Variants in SLC36A2 observed in about 807,000 individuals in gnomAD.
The protein encoded by SLC36A2 is proton-coupled amino acid transporter 2.
A neutral mutation model predicts 42.7 loss-of-function variants in SLC36A2; 39 were observed. The ratio of observed to expected loss-of-function variants is 0.91; its 90% CI spans 0.71 to 1.19. The LOEUF (loss-of-function observed/expected upper bound fraction) is 1.19, where lower values mean the gene tolerates loss of function less well. Among genes scored for constraint, SLC36A2 ranks in the 50% most tolerant of loss-of-function variants. The pLI, the probability that SLC36A2 is intolerant of heterozygous loss-of-function variation, is 0.00. For synonymous variants in SLC36A2, 237 were observed against 240.8 expected (o/e 0.98, Z 0.15); for missense variants, 590 against 613.7 (o/e 0.96, Z 0.41).
intron 7 of SLC36A2, among the ~76,000 whole-genome samples, chr5:151,329,690 A>G (rs1168536616): frequency 2.0e-5 from 3 of 152,240 alleles, no homozygotes; most frequent in African/African-American, 7.2e-5. Context: ...AGCGGAATGT[A>G]GATAACAGAA....
At chr5:151,347,063 G>A (rs1756515809) in intron 1 of SLC36A2, among the ~76,000 whole-genome samples, 1 of 152,184 alleles carries the variant, frequency 6.6e-6, no homozygotes, top group African/African-American at 2.4e-5. Context: ...GGGTAATTGA[G>A]CCTCAGTTTC....
In SLC36A2 at chr5:151,342,888, C is replaced by T; in HGVS notation, c.440G>A (p.Arg147Lys). 1 of 1,613,926 alleles carries T rather than the reference C, an allele frequency of 6.2e-7. No homozygotes were observed. Residue 147 changes from arginine to lysine, a missense_variant and splice_region_variant, in exon 4 of 10, where the codon AGG (arginine) becomes AAG (lysine). Physicochemically the swap from Arg to Lys is conservative, Grantham distance 26 (BLOSUM62 2). Transcript: ENST00000335244. ...TGCAGGCAAAGCAAGAACAGGTTAC[C>T]TTCCCCAGTGAGCGTGATTCTGGAG... ...AWLQNHAHWG[R>K]HIVSFFLIIT...
chr5:151,316,931 C>T lies in SLC36A2; in HGVS notation c.1338G>A (p.Leu446=). Residue 446 remains leucine (L), a synonymous_variant, in exon 10 of 10, where the codon CTG becomes CTA. Transcript: ENST00000335244. The part of the protein sequence containing the change: ...MSPLTIFKDA[L]ISILGFVGFV... The stretch of plus-strand genomic sequence containing the variant: ...AGCCCACGAAGCCCAGGATGCTGAT[C>T]AGGGCGTCCTTGAAGATGGTGAGGG... The T allele has an allele frequency of 6.2e-7, 1 of 1,613,992 alleles. No individual in the cohort carries two copies. The highest frequency in any genetic ancestry group is 8.5e-7 in the Non-Finnish European group (1 of 1,179,978).
chr5:151,327,388 G>T (rs1322211941), intron 7 of SLC36A2, among the ~76,000 whole-genome samples: 1 of 152,156 alleles, frequency 6.6e-6, no homozygotes, highest in Non-Finnish European at 1.5e-5. Flanking sequence ...CTATAGCAAT[G>T]GGTATATTTG....
At chr5:151,339,563 G>A (rs1756261223) in intron 4 of SLC36A2, among the ~76,000 whole-genome samples, 1 of 152,162 alleles carries the variant, frequency 6.6e-6, no homozygotes, top group Admixed American at 6.5e-5. Context: ...GCCTGCCTTG[G>A]CCTCCCAAAG....
At chr5:151,327,300 A>G (rs2127289891) in intron 7 of SLC36A2, among the ~76,000 whole-genome samples, 1 of 152,330 alleles carries the variant, frequency 6.6e-6, no homozygotes, top group African/African-American at 2.4e-5. Context: ...ACTGATCCCA[A>G]GTTGCAGAAC....
intron 6 of SLC36A2, among the ~76,000 whole-genome samples, chr5:151,335,058 C>T (rs542058925): frequency 1.3e-5 from 2 of 152,024 alleles, no homozygotes; most frequent in African/African-American, 4.8e-5. Flanking sequence ...AGTTCACCAA[C>T]CAAGATGTTT....
In SLC36A2 at chr5:151,342,949, C is replaced by T; in HGVS notation, c.379G>A (p.Val127Met). 1 of 1,614,128 alleles carries T rather than the reference C, an allele frequency of 6.2e-7. No individual in the cohort carries two copies. Among genetic ancestry groups the T allele is most frequent in the Non-Finnish European group, 8.5e-7 (1 of 1,179,990 alleles). The change falls in exon 4 of 10, where the codon GTG becomes ATG. Residue 127 changes from valine (V) to methionine (M), a missense_variant. By Grantham distance (21) the Val-to-Met change is conservative. Transcript: ENST00000335244. ...NKPFMDYGDT[V>M]MHGLEANPNA... is the part of the protein sequence containing the mutation. Reference sequence around the variant, plus strand: ...GGGTTGGCTTCTAGTCCATGCATCACCGTGTCCCCATAGTCCATAAAGGGC... The same window carrying T: ...GGGTTGGCTTCTAGTCCATGCATCATCGTGTCCCCATAGTCCATAAAGGGC...
At chr5:151,322,754 A>C (rs422049) in intron 8 of SLC36A2, among the ~76,000 whole-genome samples, 77,268 of 152,064 alleles carry the variant, frequency 0.51, 20,940 homozygotes, top group East Asian at 0.85. Context: ...GGTTGTGTGG[A>C]AGTTAGGGGG....
At chr5:151,345,028 C>G (rs904653141) in intron 1 of SLC36A2, among the ~76,000 whole-genome samples, 1 of 152,144 alleles carries the variant, frequency 6.6e-6, no homozygotes, top group South Asian at 2.1e-4. Context: ...CTCCCCCAAA[C>G]AAAAACTCAG....
At chr5:151,324,651 G>A (rs1755799772) in intron 8 of SLC36A2, among the ~76,000 whole-genome samples, 1 of 152,030 alleles carries the variant, frequency 6.6e-6, no homozygotes. Context: ...GTTTTTAAGA[G>A]ATAGGGTCTC....
At chr5:151,343,868 C>T (rs567293143) in intron 2 of SLC36A2, among the ~76,000 whole-genome samples, 2 of 152,272 alleles carry the variant, frequency 1.3e-5, no homozygotes, top group East Asian at 3.9e-4. Context: ...CCCTTTGTGG[C>T]CCCTGAAACA....
At position 151,342,918 on chromosome 5, in the gene SLC36A2, G is replaced by C; in HGVS notation, c.410C>G (p.Ala137Gly). Residue 137 changes from alanine (A) to glycine (G), a missense_variant, in exon 4 of 10, where the codon GCC becomes GGC. Transcript: ENST00000335244. Reference protein sequence around the residue: ...VMHGLEANPNAWLQNHAHWGR... With the variant: ...VMHGLEANPNGWLQNHAHWGR... The stretch of plus-strand genomic sequence containing the variant: ...CCAGTGAGCGTGATTCTGGAGCCAG[G>C]CGTTGGGGTTGGCTTCTAGTCCATG... 1 of 1,614,134 alleles carries C rather than the reference G, an allele frequency of 6.2e-7. No individual in the cohort carries two copies. Among genetic ancestry groups the C allele is most frequent in the Non-Finnish European group, 8.5e-7 (1 of 1,180,008 alleles).
chr5:151,333,231 A>G lies in SLC36A2; in HGVS notation c.836T>C (p.Ile279Thr), dbSNP rs147405095. The G allele has an allele frequency of 1.9e-6, 3 of 1,613,562 alleles. No homozygotes were observed. In the African/African-American group the frequency reaches 4.0e-5, roughly 22 times the overall value. ...CCTCAATTCAAACCTTACCACACCA[A>G]TGCTTTCAAAAGAAAAAATGGCTGT... ...FGTAIFSFES[I>T]GVVLPLENKM... Residue 279 changes from isoleucine (I) to threonine (T), a missense_variant, in exon 7 of 10, where the codon ATT (isoleucine) becomes ACT (threonine). Ile to Thr is a moderately conservative substitution (Grantham distance 89). Coordinates refer to ENST00000335244, the MANE Select transcript of SLC36A2 (RefSeq NM_181776.3).
intron 6 of SLC36A2, among the ~76,000 whole-genome samples, chr5:151,333,542 A>G (rs1003792650): frequency 3.9e-5 from 6 of 152,108 alleles, no homozygotes; most frequent in Non-Finnish European, 8.8e-5. Context: ...AAGGAATAGT[A>G]TTTCATGGAG....
rs1031388165 is a variant in SLC36A2, at chr5:151,316,657, T to C, written c.*160A>G. Reference sequence around the variant, plus strand: ...CGGGAGGCTGAGGCAGGAGAATCGCTTGAACCCAGGAGGCCGAAGTTGTGG... The same window carrying C: ...CGGGAGGCTGAGGCAGGAGAATCGCCTGAACCCAGGAGGCCGAAGTTGTGG... On this transcript the variant is annotated 3_prime_UTR_variant, in exon 10 of 10. Coordinates refer to ENST00000335244, the MANE Select transcript of SLC36A2 (RefSeq NM_181776.3). 3 of 881,728 alleles carry C rather than the reference T, an allele frequency of 3.4e-6. No homozygotes were observed. Among genetic ancestry groups the C allele is most frequent in the African/African-American group, 3.6e-5 (2 of 55,490 alleles). 54.6% of individuals were successfully genotyped at this position (881,728 alleles called of 1,614,324 possible).
intron 8 of SLC36A2, 159 bp downstream of exon 8, chr5:151,325,127 G>T: frequency 1.2e-6 from 1 of 855,782 alleles, no homozygotes. Context: ...GGAACTCCCA[G>T]GACAGAGAAT....
intron 7 of SLC36A2, among the ~76,000 whole-genome samples, chr5:151,328,151 C>T (rs1367104076): frequency 2.6e-5 from 4 of 152,198 alleles, no homozygotes; most frequent in Admixed American, 2.6e-4. Flanking sequence ...CTGCTTTTGT[C>T]CATGACTATT....
chr5:151,345,332 A>G (rs1756462443), intron 1 of SLC36A2, among the ~76,000 whole-genome samples: 1 of 152,220 alleles, frequency 6.6e-6, no homozygotes, highest in African/African-American at 2.4e-5. Flanking sequence ...ACCAGGGATT[A>G]AACCTCAAGG....
Sources: allele counts gnomAD v4.1 joint callset (sites outside exome capture counted in the v4.1 genomes callset), GRCh38; gene constraint gnomAD v4.1.1; transcripts MANE v1.5; gene names NCBI Gene and HGNC (gene_info 2026-07-23, HGNC 2026-07-21).